ST6GALNAC1: variants seen among roughly 807,000 people sequenced by gnomAD.
ST6GALNAC1 encodes alpha-N-acetylgalactosaminide alpha-2,6-sialyltransferase 1.
A neutral mutation model predicts 56.8 loss-of-function variants in ST6GALNAC1; 45 were observed. The observed-to-expected ratio is 0.79, with a 90% CI of 0.62 to 1.02. The LOEUF (loss-of-function observed/expected upper bound fraction) is 1.02. Among genes scored for constraint, ST6GALNAC1 ranks in the 50% least tolerant of loss-of-function variants. The probability of loss-of-function intolerance (pLI) is 0.00; values close to 1 mark genes in which losing one functional copy is unlikely to be tolerated. For missense variants in ST6GALNAC1, 743 were observed against 754.8 expected, an observed-to-expected ratio of 0.98 and a Z score of 0.18; for synonymous variants, 295 against 297.8, an observed-to-expected ratio of 0.99 and a Z score of 0.10.
intron 2 of ST6GALNAC1, 114 bp downstream of exon 2, chr17:76,628,898 A>G: frequency 1.0e-6 from 1 of 991,490 alleles, no homozygotes; most frequent in Non-Finnish European, 1.5e-6. Flanking sequence ...GGGGCAGGAC[A>G]AGACAAAGTC....
chr17:76,622,576 A>G (rs552858844), downstream of ST6GALNAC1, among the ~76,000 whole-genome samples: 40 of 151,996 alleles, frequency 2.6e-4, no homozygotes, highest in Admixed American at 1.0e-3. Flanking sequence ...TGTTGGCCAG[A>G]ATGGTCTCAA....
In ST6GALNAC1 at chr17:76,629,678, A is replaced by G; in HGVS notation, c.165T>C (p.Ser55=). 1.2e-6 allele frequency: 2 copies of G among 1,613,856 alleles called. No individual in the cohort carries two copies. The highest frequency in any genetic ancestry group is 1.7e-6 in the Non-Finnish European group (2 of 1,179,974). ...ACTTAGGCTTTGCCAGGGACTGTAG[A>G]GACCTTTCTTTAATGTTCTCTGTGC... ...HQRTENIKER[S]LQSLAKPKSQ... is the part of the protein sequence containing the mutation. Residue 55 remains serine (S), a synonymous_variant, in exon 2 of 9, where the codon TCT becomes TCC. Coordinates refer to ENST00000156626, the MANE Select transcript of ST6GALNAC1 (RefSeq NM_018414.5).
At position 76,627,208 on chromosome 17, in the gene ST6GALNAC1, G is replaced by T. The variant is rs569628528; in HGVS notation, c.1031C>A (p.Pro344Gln). ...LVQKVVTRFP[P>Q]VPQQQLLLAS... ...CAGGAGCAGCTGCTGCTGGGGCACT[G>T]GAGGGAAGCGTGTCACGACCTTCTG... Residue 344 changes from proline to glutamine, a missense_variant, in exon 4 of 9, where the codon CCA becomes CAA. By Grantham distance (76) the Pro-to-Gln change is moderately conservative (BLOSUM62 -1). Coordinates refer to ENST00000156626, the MANE Select transcript of ST6GALNAC1 (RefSeq NM_018414.5). The surrounding 1 kb of genome is among the most constrained non-coding windows in gnomAD (Gnocchi z 4.4). The T allele has an allele frequency of 6.3e-7, 1 of 1,584,842 alleles. No individual in the cohort carries two copies. Among genetic ancestry groups the T allele is most frequent in the Non-Finnish European group, 8.6e-7 (1 of 1,165,726 alleles).
chr17:76,619,839 G>A (rs558397439), downstream of ST6GALNAC1, among the ~76,000 whole-genome samples: 3 of 144,724 alleles, frequency 2.1e-5, no homozygotes, highest in South Asian at 6.9e-4. Flanking sequence ...TGCCTCTCAA[G>A]TTCAAGCGAT....
At chr17:76,631,192 C>T (rs1395242538) in intron 1 of ST6GALNAC1, among the ~76,000 whole-genome samples, 1 of 151,080 alleles carries the variant, frequency 6.6e-6, no homozygotes, top group Non-Finnish European at 1.5e-5. Context: ...GATCCTCCAC[C>T]CTTGGCCTCC....
chr17:76,638,499 C>T (rs1371891324), intron 1 of ST6GALNAC1, among the ~76,000 whole-genome samples: 1 of 151,844 alleles, frequency 6.6e-6, no homozygotes, highest in Non-Finnish European at 1.5e-5. Context: ...GTGATAAAAG[C>T]GATAATACTC....
chr17:76,638,463 G>C (rs1219711500), intron 1 of ST6GALNAC1, among the ~76,000 whole-genome samples: 1 of 151,928 alleles, frequency 6.6e-6, no homozygotes, highest in African/African-American at 2.4e-5. Flanking sequence ...TGCAACCTCT[G>C]CCTCCCGAGT....
intron 1 of ST6GALNAC1, among the ~76,000 whole-genome samples, chr17:76,640,920 G>A (rs58735886): frequency 0.19 from 29,442 of 152,010 alleles, 3,619 homozygotes; most frequent in African/African-American, 0.35. Context: ...TCAGATGTAT[G>A]TAAAAAAAAC....
At position 76,625,938 on chromosome 17, in the gene ST6GALNAC1, C is replaced by G; in HGVS notation, c.1506-20G>C. The stretch of plus-strand genomic sequence containing the variant: ...AGAAACCTGTGAAATGCCCCAAACC[C>G]CCAACTGTCAGGAGGCTGCAAGGAT... On this transcript the variant is annotated intron_variant, in intron 7 of 8. Transcript: ENST00000156626. The G allele has an allele frequency of 1.3e-6, 2 of 1,598,572 alleles. No individual in the cohort carries two copies. Among genetic ancestry groups the G allele is most frequent in the Non-Finnish European group, 1.7e-6 (2 of 1,172,452 alleles).
chr17:76,626,111 G>T lies in ST6GALNAC1; in HGVS notation c.1416-16C>A. The T allele has an allele frequency of 6.2e-7, 1 of 1,613,388 alleles. No individual in the cohort carries two copies. Among genetic ancestry groups the T allele is most frequent in the African/African-American group, 1.3e-5 (1 of 74,980 alleles). The stretch of plus-strand genomic sequence containing the variant: ...GGGTCTGTGCCTGTGGTTAGGAAGG[G>T]GTCATTCAGACTCAGCTCCCTTACC... On this transcript the variant is annotated splice_polypyrimidine_tract_variant and intron_variant, in intron 6 of 8. Coordinates refer to ENST00000156626, the MANE Select transcript of ST6GALNAC1 (RefSeq NM_018414.5).
In ST6GALNAC1 at chr17:76,625,472, T is replaced by A. The variant is rs1238145073; in HGVS notation, c.1661A>T (p.Tyr554Phe). The A allele has an allele frequency of 6.2e-7, 1 of 1,614,050 alleles. No homozygotes were observed. The highest frequency in any genetic ancestry group is 8.5e-7 in the Non-Finnish European group (1 of 1,180,030). Residue 554 changes from tyrosine (Y) to phenylalanine (F), a missense_variant, in exon 9 of 9, where the codon TAT (tyrosine) becomes TTT (phenylalanine). Physicochemically the swap from Tyr to Phe is conservative, Grantham distance 22. Transcript: ENST00000156626. The stretch of plus-strand genomic sequence containing the variant: ...GATCAGCCGCTTCCATGATGTATCA[T>A]AGTAGTGATCAGAAAAGCGCTCATG... The part of the protein sequence containing the change: ...EGHERFSDHY[Y>F]DTSWKRLIFY...
In ST6GALNAC1 at chr17:76,642,219, C is replaced by CCTAT. The variant is rs10693413; in HGVS notation, c.131+1285_131+1288dup. ...CTCTATCTCTCTCTCTCTCTATCTG[C>CCTAT]CTATCTATCTATCTATCTATCTATC... On this transcript the variant is annotated intron_variant, in intron 1 of 8. Coordinates refer to ENST00000156626, the MANE Select transcript of ST6GALNAC1 (RefSeq NM_018414.5). Among the ~76,000 whole-genome samples the CCTAT allele has an allele frequency of 8.2e-3, 1,232 of 150,182 alleles. 13 individuals carry two copies. The highest frequency in any genetic ancestry group is 0.024 in the African/African-American group (956 of 40,310).
chr17:76,626,740 T>C lies in ST6GALNAC1; in HGVS notation c.1222A>G (p.Thr408Ala). The C allele has an allele frequency of 1.2e-6, 2 of 1,614,178 alleles. No homozygotes were observed. The highest frequency in any genetic ancestry group is 1.7e-6 in the Non-Finnish European group (2 of 1,180,024). ...KGYEQDVGTR[T>A]SFYGFTAFSL... ...AAGGCGGTAAAGCCGTAGAAGGATG[T>C]CCGAGTCCCCACATCCTGTTCGTAG... Residue 408 changes from threonine (T) to alanine (A), a missense_variant, in exon 5 of 9, where the codon ACA becomes GCA. Coordinates refer to ENST00000156626, the MANE Select transcript of ST6GALNAC1 (RefSeq NM_018414.5).
In ST6GALNAC1 at chr17:76,625,372, C is replaced by T. The variant is rs753669733; in HGVS notation, c.1761G>A (p.Leu587=). ...CAGTTCCGGGACCAGGACGCTGGTA[C>T]AGCCGGATTATCCCTTCATCGTGTA... ...KRLHDEGIIR[L]YQRPGPGTAK... is the part of the protein sequence containing the mutation. The change falls in exon 9 of 9, where the codon CTG becomes CTA. Residue 587 remains leucine, a synonymous_variant. Transcript: ENST00000156626. 5 of 1,614,002 alleles carry T rather than the reference C, an allele frequency of 3.1e-6. No individual in the cohort carries two copies. Among genetic ancestry groups the T allele is most frequent in the Admixed American group, 1.7e-5 (1 of 60,022 alleles).
chr17:76,630,496 G>A (rs894947492), intron 1 of ST6GALNAC1, among the ~76,000 whole-genome samples: 10 of 151,914 alleles, frequency 6.6e-5, no homozygotes, highest in Admixed American at 6.6e-4. Flanking sequence ...TGAAACTGAA[G>A]CCTAAACTTC....
chr17:76,628,500 TG>T (rs2075844331), intron 2 of ST6GALNAC1, among the ~76,000 whole-genome samples: 1 of 151,896 alleles, frequency 6.6e-6, no homozygotes. Flanking sequence ...ACCATGTGGG[TG>T]GGTGTGGTTC....
downstream of ST6GALNAC1, among the ~76,000 whole-genome samples, chr17:76,622,032 C>G (rs192497333): frequency 3.0e-4 from 45 of 149,068 alleles, 1 homozygote; most frequent in East Asian, 8.8e-3. Flanking sequence ...ATCCTGGCCT[C>G]TAGTGATCCT....
Position 76,627,360 on chromosome 17 carries a change from G to T in ST6GALNAC1, c.1000+55C>A. 1.9e-6 allele frequency: 3 copies of T among 1,601,820 alleles called. No homozygotes were observed. The highest frequency in any genetic ancestry group is 2.6e-6 in the Non-Finnish European group (3 of 1,173,078). On this transcript the variant is annotated intron_variant, in intron 3 of 8. Coordinates refer to ENST00000156626, the MANE Select transcript of ST6GALNAC1 (RefSeq NM_018414.5). The surrounding 1 kb of genome is among the most constrained non-coding windows in gnomAD (Gnocchi z 4.4). ...CAGACCAGAAAGCCAGCTGCCCTCT[G>T]CCCTCTGCCCCGGCCTACTGCGCAC...
chr17:76,628,610 G>T (rs1406777135), intron 2 of ST6GALNAC1, among the ~76,000 whole-genome samples: 1 of 152,080 alleles, frequency 6.6e-6, no homozygotes, highest in Non-Finnish European at 1.5e-5. Flanking sequence ...TGGGCATGAG[G>T]TTGGGGTGTC....
Sources: gnomAD v4.1 joint callset for allele counts (sites outside exome capture counted in the v4.1 genomes callset) on GRCh38, gnomAD v4.1.1 for gene constraint, Gnocchi (gnomAD v3.1) non-coding constraint, MANE v1.5 for transcripts, NCBI Gene and HGNC (gene_info 2026-07-23, HGNC 2026-07-21) for gene names.